TBC1D30: variants seen among roughly 807,000 people sequenced by gnomAD.
The protein encoded by TBC1D30 is TBC1 domain family member 30.
Under a neutral mutation model 63.2 loss-of-function variants are expected in TBC1D30, and 31 were observed. The ratio of observed to expected loss-of-function variants is 0.49; its 90% CI spans 0.37 to 0.66. TBC1D30 has a LOEUF of 0.66. Ranked by LOEUF, TBC1D30 falls within the 30% of genes least tolerant of loss-of-function variation. The probability of loss-of-function intolerance (pLI) is 0.00; values close to 1 mark genes in which losing one functional copy is unlikely to be tolerated. For synonymous variants in TBC1D30, 307 were observed against 361.5 expected (o/e 0.85, Z 1.71); for missense variants, 810 against 953.6 (o/e 0.85, Z 1.98).
Position 64,838,745 on chromosome 12 carries a change from A to G in TBC1D30, c.826A>G (p.Thr276Ala). 6.5e-7 allele frequency: 1 copy of G among 1,536,584 alleles called. No homozygotes were observed. Reference protein sequence around the residue: ...TMQWFLTLFATCLPNQTVLKI... With the variant: ...TMQWFLTLFAACLPNQTVLKI... The stretch of plus-strand genomic sequence containing the variant: ...GCAGTGGTTTCTGACTCTCTTTGCC[A>G]CATGCCTCCCTAATCAGACCGTTTT... The change falls in exon 7 of 12, where the codon ACA becomes GCA. Residue 276 changes from threonine to alanine, a missense_variant. Around this residue, in one of 4 missense-constraint regions of TBC1D30, gnomAD observed 5 missense variants for 23.2 expected, o/e 0.22. Transcript: ENST00000539867.
At chr12:64,809,904 A>T (rs1459006242) in intron 2 of TBC1D30, among the ~76,000 whole-genome samples, 2 of 152,086 alleles carry the variant, frequency 1.3e-5, no homozygotes, top group Non-Finnish European at 2.9e-5. Context: ...TCTACCTCAT[A>T]GAGTTTGGGA....
intron 2 of TBC1D30, among the ~76,000 whole-genome samples, chr12:64,788,500 A>G (rs1242772371): frequency 1.3e-5 from 2 of 152,200 alleles, no homozygotes; most frequent in African/African-American, 4.8e-5. Context: ...ATAGAGAGGT[A>G]TATCAGGTTA....
chr12:64,828,257 AG>A (rs1361597652), intron 2 of TBC1D30, among the ~76,000 whole-genome samples, 186 bp from the exon 3 acceptor site: 1 of 152,210 alleles, frequency 6.6e-6, no homozygotes, highest in African/African-American at 2.4e-5. Flanking sequence ...AGGGTGCCCA[AG>A]GGGTGGGACG....
intron 8 of TBC1D30, among the ~76,000 whole-genome samples, chr12:64,857,263 T>C (rs534578838): frequency 1.3e-5 from 2 of 152,254 alleles, no homozygotes; most frequent in Non-Finnish European, 2.9e-5. Flanking sequence ...TGGATATTGC[T>C]GGTTGTTATT....
In TBC1D30 at chr12:64,814,663, C is replaced by T. The variant is rs571572844; in HGVS notation, c.644-13172C>T. Among the ~76,000 whole-genome samples the T allele has an allele frequency of 6.6e-5, 10 of 152,152 alleles. No individual in the cohort carries two copies. The East Asian group carries it at 9.7e-4, about 15-fold the overall frequency. On this transcript the variant is annotated intron_variant, in intron 2 of 12. Coordinates refer to the TBC1D30 transcript ENST00000542120. ...GCCAAGTGACACTCTGTTGTAAGCA[C>T]GGACTAAAGACAGTGGTAATTAACA... is the stretch of plus-strand genomic sequence containing the variant.
At chr12:64,815,298 AT>A (rs1215930913) in intron 2 of TBC1D30, among the ~76,000 whole-genome samples, 3 of 152,026 alleles carry the variant, frequency 2.0e-5, no homozygotes, top group Non-Finnish European at 4.4e-5. Flanking sequence ...TTTGGCTCAC[AT>A]TTTTTTCTTT....
intron 6 of TBC1D30, 136 bp downstream of exon 6, chr12:64,836,794 T>C (rs1875401990): frequency 1.0e-6 from 1 of 954,328 alleles, no homozygotes; most frequent in South Asian, 2.1e-5. Context: ...AATAGATTTT[T>C]AGAGAATGAA....
chr12:64,760,165 A>G (rs1870446982), intron 1 of TBC1D30, among the ~76,000 whole-genome samples: 2 of 152,234 alleles, frequency 1.3e-5, no homozygotes, highest in African/African-American at 4.8e-5. Flanking sequence ...AAATCTTGAA[A>G]CGTGGTCATC....
intron 1 of TBC1D30, among the ~76,000 whole-genome samples, chr12:64,773,696 C>T (rs1474020078): frequency 2.0e-5 from 3 of 152,172 alleles, no homozygotes; most frequent in Non-Finnish European, 4.4e-5. Context: ...TACTGGAAAA[C>T]CCAAGGTGAC....
chr12:64,805,304 T>C (rs2136322010), intron 2 of TBC1D30, among the ~76,000 whole-genome samples: 1 of 152,340 alleles, frequency 6.6e-6, no homozygotes, highest in Non-Finnish European at 1.5e-5. Flanking sequence ...ACAGGCTTTA[T>C]GGCGCTAAAC....
intron 2 of TBC1D30, among the ~76,000 whole-genome samples, chr12:64,802,437 G>C (rs914624919): frequency 6.6e-6 from 1 of 151,900 alleles, no homozygotes; most frequent in Non-Finnish European, 1.5e-5. Flanking sequence ...CCAGTACCTG[G>C]GACGACTCTT....
rs1197944681 is a variant in TBC1D30 at position 64,824,983 on chromosome 12, G to A, written c.104G>A (p.Arg35His). The A allele has an allele frequency of 1.3e-6, 2 of 1,534,478 alleles. No individual in the cohort carries two copies. The highest frequency in any genetic ancestry group is 1.7e-6 in the Non-Finnish European group (2 of 1,146,516). ...ATCCTGAGCAATGTGCTCAAGAAGC[G>A]CAGCTGCATTTCCCGGACCGCGCCC... ...GTILSNVLKK[R>H]SCISRTAPRL... The change falls in exon 1 of 12, where the codon CGC becomes CAC. Residue 35 changes from arginine (R) to histidine (H), a missense_variant. Physicochemically the swap from Arg to His is conservative, Grantham distance 29. Transcript: ENST00000539867.
intron 2 of TBC1D30, among the ~76,000 whole-genome samples, chr12:64,805,931 G>A (rs1185127734): frequency 6.6e-6 from 1 of 152,134 alleles, no homozygotes; most frequent in Non-Finnish European, 1.5e-5. Flanking sequence ...AAACATAACA[G>A]CTTTCCTGGG....
Position 64,880,066 on chromosome 12 carries a change from T to A in TBC1D30, c.*4278T>A, listed in dbSNP as rs1879358728. ...ATGGAAATGTGAAGGCCGGTGAGTA[T>A]TTGGACCATTGAAGTGGGAGTTATC... On this transcript the variant is annotated 3_prime_UTR_variant, in exon 12 of 12. Coordinates refer to ENST00000539867, the MANE Select transcript of TBC1D30 (RefSeq NM_015279.2). 2.0e-5 allele frequency: 3 copies of A among 152,176 alleles called. No homozygotes were observed. In the South Asian group the frequency reaches 6.2e-4, roughly 32 times the overall value. The allele number at this position is 152,176 out of a possible 1,614,324, so 9.4% of individuals were successfully genotyped here. A position where few individuals can be genotyped will look rare whatever the true frequency, so the allele number is the denominator to read the frequency against.
At chr12:64,854,630 G>A (rs1257329499) in intron 8 of TBC1D30, among the ~76,000 whole-genome samples, 1 of 151,864 alleles carries the variant, frequency 6.6e-6, no homozygotes, top group Non-Finnish European at 1.5e-5. Flanking sequence ...GAGTAGCTGG[G>A]ACTATAGGCG....
chr12:64,811,595 C>T (rs1394882952), intron 2 of TBC1D30, among the ~76,000 whole-genome samples: 1 of 152,198 alleles, frequency 6.6e-6, no homozygotes. Context: ...CAAGCCCCAT[C>T]CCACTGTGTA....
Position 64,830,471 on chromosome 12 carries a change from A to G in TBC1D30, c.377A>G (p.Asp126Gly). 1 of 1,535,174 alleles carries G rather than the reference A, an allele frequency of 6.5e-7. No homozygotes were observed. The highest frequency in any genetic ancestry group is 8.7e-7 in the Non-Finnish European group (1 of 1,146,312). Residue 126 changes from aspartate (D) to glycine (G), a missense_variant, in exon 4 of 12, where the codon GAT (aspartate) becomes GGT (glycine). By Grantham distance (94) the Asp-to-Gly change is moderately conservative (BLOSUM62 -1). This residue lies in a region of TBC1D30 where 272 missense variants were observed against 335.9 expected (regional missense o/e 0.81). Coordinates refer to ENST00000539867, the MANE Select transcript of TBC1D30 (RefSeq NM_015279.2). The stretch of plus-strand genomic sequence containing the variant: ...ACTTTCAATGAAAGGAGTAATCCTG[A>G]TGATGACTCCATGGGAATTCAGATA... ...RFTFNERSNP[D>G]DDSMGIQIVK...
At chr12:64,764,357 A>G (rs1336256294) in intron 1 of TBC1D30, among the ~76,000 whole-genome samples, 2 of 152,168 alleles carry the variant, frequency 1.3e-5, no homozygotes, top group East Asian at 3.9e-4. Context: ...TAGTTGAAAA[A>G]TTCCTGTGGA....
chr12:64,813,346 C>T (rs761318080), intron 2 of TBC1D30, among the ~76,000 whole-genome samples: 7 of 152,022 alleles, frequency 4.6e-5, no homozygotes, highest in African/African-American at 9.7e-5. Context: ...GCCGAGATTG[C>T]GCCACTGCAC....
Sources: gnomAD v4.1 joint callset for allele counts (sites outside exome capture counted in the v4.1 genomes callset) on GRCh38, gnomAD v4.1.1 for gene constraint, gnomAD v4.1.1 regional missense constraint, MANE v1.5 for transcripts, NCBI Gene and HGNC (gene_info 2026-07-23, HGNC 2026-07-21) for gene names.